PKHD1: variants seen among roughly 807,000 people sequenced by gnomAD.
The protein encoded by PKHD1 is PKHD1 ciliary IPT domain containing fibrocystin/polyductin, also known as fibrocystin.
Under a neutral mutation model 412.0 loss-of-function variants are expected in PKHD1, and 291 were observed. The observed-to-expected ratio is 0.71, with a 90% CI of 0.64 to 0.78. PKHD1 has a LOEUF of 0.78. PKHD1 is among the 30% of genes least tolerant of loss of function. The pLI is 0.00. For synonymous variants in PKHD1, 1,777 were observed against 1,821.5 expected (o/e 0.98, Z 0.62); for missense variants, 4,825 against 4,950.7 (o/e 0.97, Z 0.76).
rs200654041 is a variant in PKHD1, at chr6:52,050,181, G to A, written c.2255C>T (p.Thr752Met). Residue 752 changes from threonine (T) to methionine (M), a missense_variant, in exon 22 of 67, where the codon ACG becomes ATG. Thr to Met is a moderately conservative substitution (Grantham distance 81). Coordinates refer to ENST00000371117, the MANE Select transcript of PKHD1 (RefSeq NM_138694.4). ...SVTSWLAGCG[T>M]ELPLITARSV... The stretch of plus-strand genomic sequence containing the variant: ...CCGTGCAGTGATGAGCGGGAGCTCC[G>A]TGCCACACCCCGCCAGCCAGGAGGT... 450 of 1,614,162 alleles carry A rather than the reference G, an allele frequency of 2.8e-4. 2 individuals are homozygous for A. Among genetic ancestry groups the A allele is most frequent in the Admixed American group, 5.7e-4 (34 of 60,026 alleles).
intron 35 of PKHD1, among the ~76,000 whole-genome samples, chr6:51,982,623 A>G (rs1397656264): frequency 6.7e-6 from 1 of 148,522 alleles, no homozygotes; most frequent in East Asian, 2.0e-4. Flanking sequence ...ATGCTCGTCA[A>G]GAGTCATCAC....
intron 46 of PKHD1, among the ~76,000 whole-genome samples, chr6:51,873,013 C>T (rs912225206): frequency 6.6e-6 from 1 of 151,014 alleles, no homozygotes; most frequent in Non-Finnish European, 1.5e-5. Flanking sequence ...AAGGAAATCT[C>T]CAGGATAATG....
At chr6:51,907,157 T>C (rs1782230429) in intron 40 of PKHD1, among the ~76,000 whole-genome samples, 1 of 152,180 alleles carries the variant, frequency 6.6e-6, no homozygotes, top group Non-Finnish European at 1.5e-5. Context: ...AATCCATTAT[T>C]TGAATAATTA....
chr6:51,789,356 A>G (rs1307545035), intron 53 of PKHD1, among the ~76,000 whole-genome samples: 1 of 152,170 alleles, frequency 6.6e-6, no homozygotes, highest in Non-Finnish European at 1.5e-5. Flanking sequence ...AAGGACAAAA[A>G]TCTGAAATAA....
chr6:51,663,677 G>GT (rs1252390587), intron 60 of PKHD1, among the ~76,000 whole-genome samples: 2 of 152,050 alleles, frequency 1.3e-5, no homozygotes, highest in Non-Finnish European at 2.9e-5. Context: ...TTCTTGTCAG[G>GT]TGTCTAATTA....
intron 60 of PKHD1, among the ~76,000 whole-genome samples, chr6:51,670,190 G>T (rs1212445946): frequency 6.0e-5 from 9 of 150,674 alleles, no homozygotes; most frequent in East Asian, 2.0e-4. Flanking sequence ...CTAAGTCTCT[G>T]TGTAGGTCAC....
intron 53 of PKHD1, among the ~76,000 whole-genome samples, chr6:51,779,173 GCAAA>G (rs1484632730): frequency 2.0e-5 from 3 of 152,116 alleles, no homozygotes; most frequent in Non-Finnish European, 2.9e-5. Flanking sequence ...CCTTGAAATA[GCAAA>G]CAATTAGAAA....
chr6:51,881,660 G>A (rs191017432), intron 46 of PKHD1, among the ~76,000 whole-genome samples: 46 of 152,288 alleles, frequency 3.0e-4, no homozygotes, highest in African/African-American at 1.0e-3. Flanking sequence ...ATATCAGGGT[G>A]GTCCTAGCTC....
intron 35 of PKHD1, among the ~76,000 whole-genome samples, chr6:51,986,567 A>G (rs958820218): frequency 6.6e-6 from 1 of 152,222 alleles, no homozygotes; most frequent in African/African-American, 2.4e-5. Context: ...AAAAAGTGAA[A>G]CAACTGAAGT....
At chr6:51,634,870 C>T (rs1017760357) in intron 64 of PKHD1, among the ~76,000 whole-genome samples, 5 of 151,998 alleles carry the variant, frequency 3.3e-5, no homozygotes, top group Non-Finnish European at 5.9e-5. Context: ...GGCAAAAGGC[C>T]CTTGAGAACA....
chr6:51,646,147 G>C lies in PKHD1; in HGVS notation c.11398+1884C>G, dbSNP rs901605026. ...TGTTCCATCGAACCCTTCTATTCTA[G>C]GTTATATCAGGTTGACATAAAATGA... On this transcript the variant is annotated intron_variant, in intron 63 of 66. Transcript: ENST00000371117. 2.6e-5 allele frequency among the ~76,000 whole-genome samples: 4 copies of C among 152,222 alleles called. No homozygotes were observed. In the South Asian group the frequency reaches 6.2e-4, roughly 24 times the overall value.
intron 36 of PKHD1, among the ~76,000 whole-genome samples, chr6:51,947,458 T>C (rs1262993730): frequency 6.6e-6 from 1 of 152,216 alleles, no homozygotes; most frequent in African/African-American, 2.4e-5. Context: ...ACCTTTGTCT[T>C]TCCTTCACCT....
At position 51,616,795 on chromosome 6, in the gene PKHD1, G is replaced by A. The variant is rs1312491857; in HGVS notation, c.*2286C>T. 1 of 397,406 alleles carries A rather than the reference G, an allele frequency of 2.5e-6. No homozygotes were observed. Among genetic ancestry groups the A allele is most frequent in the African/African-American group, 2.1e-5 (1 of 48,580 alleles). 24.6% of individuals were successfully genotyped at this position (397,406 alleles called of 1,614,324 possible). A position where few individuals can be genotyped will look rare whatever the true frequency, so the allele number is the denominator to read the frequency against. ...AAGACTGGTCTTGTGACACATAGAG[G>A]ATAAATAAGAAGATAATAAAAATTG... On this transcript the variant is annotated 3_prime_UTR_variant, in exon 67 of 67. Transcript: ENST00000371117.
chr6:51,970,868 C>T (rs531344102), intron 35 of PKHD1, among the ~76,000 whole-genome samples: 20 of 152,174 alleles, frequency 1.3e-4, no homozygotes, highest in Admixed American at 8.5e-4. Flanking sequence ...CAGTATAATT[C>T]GAAGTCAGGT....
chr6:51,882,940 T>C (rs992293221), intron 46 of PKHD1, among the ~76,000 whole-genome samples, 153 bp downstream of exon 46: 2 of 152,152 alleles, frequency 1.3e-5, no homozygotes, highest in Non-Finnish European at 1.5e-5. Context: ...ATCACCACTA[T>C]TACAAATAAA....
chr6:51,638,608 C>T (rs967819999), intron 64 of PKHD1, among the ~76,000 whole-genome samples: 7 of 151,972 alleles, frequency 4.6e-5, no homozygotes, highest in African/African-American at 1.4e-4. Context: ...TGAACGTAAA[C>T]GTCAATGTTG....
chr6:51,618,919 A>G lies in PKHD1; in HGVS notation c.*162T>C. 1 of 710,976 alleles carries G rather than the reference A, an allele frequency of 1.4e-6. No homozygotes were observed. The highest frequency in any genetic ancestry group is 1.6e-5 in the South Asian group (1 of 60,642). The allele number at this position is 710,976 out of a possible 1,614,324, so 44.0% of individuals were successfully genotyped here. ...ATGAGACATTTTTCAGTCTGTAAGC[A>G]TTTATATGACTGTTTTCCATTTTAA... On this transcript the variant is annotated 3_prime_UTR_variant, in exon 67 of 67. Transcript: ENST00000371117.
chr6:51,993,173 T>G (rs1441966610), intron 35 of PKHD1, among the ~76,000 whole-genome samples: 1 of 152,244 alleles, frequency 6.6e-6, no homozygotes, highest in South Asian at 2.1e-4. Flanking sequence ...ACAAAACCAC[T>G]GCTCAGGTGG....
At chr6:51,651,289 A>G (rs1770920635) in intron 61 of PKHD1, among the ~76,000 whole-genome samples, 1 of 152,150 alleles carries the variant, frequency 6.6e-6, no homozygotes, top group African/African-American at 2.4e-5. Flanking sequence ...AGCAGTTTCT[A>G]TCCTAAAACC....
Sources: gnomAD v4.1 joint callset for allele counts (sites outside exome capture counted in the v4.1 genomes callset) on GRCh38, gnomAD v4.1.1 for gene constraint, MANE v1.5 for transcripts, NCBI Gene and HGNC (gene_info 2026-07-23, HGNC 2026-07-21) for gene names.